Variants in MOK observed in about 807,000 individuals in gnomAD.
MOK encodes MAPK/MAK/MRK overlapping kinase.
A neutral mutation model predicts 54.2 loss-of-function variants in MOK; 59 were observed. That is an observed-to-expected ratio of 1.09 (90% CI 0.88 to 1.35). MOK has a LOEUF of 1.35. Among genes scored for constraint, MOK ranks in the 40% most tolerant of loss-of-function variants. The pLI, the probability that MOK is intolerant of heterozygous loss-of-function variation, is 0.00. For missense variants in MOK, 517 were observed against 526.2 expected, an observed-to-expected ratio of 0.98 and a Z score of 0.17; for synonymous variants, 210 against 202.7, an observed-to-expected ratio of 1.04 and a Z score of -0.31.
downstream of MOK, among the ~76,000 whole-genome samples, chr14:102,227,021 G>C (rs1234445893): frequency 1.3e-5 from 2 of 152,160 alleles, no homozygotes; most frequent in Non-Finnish European, 2.9e-5. Flanking sequence ...TTTAGGGACT[G>C]TTTCTTGCCT....
downstream of MOK, among the ~76,000 whole-genome samples, chr14:102,219,910 G>T (rs1567104516): frequency 6.6e-6 from 1 of 152,378 alleles, no homozygotes; most frequent in East Asian, 1.9e-4. Context: ...GCCCAGTGGA[G>T]AGTGGGACAG....
At chr14:102,283,026 C>G (rs1783051754) in intron 2 of MOK, 1 of 143,350 alleles carries the variant, frequency 7.0e-6, no homozygotes, top group South Asian at 2.2e-4. Context: ...TGCACTCCAG[C>G]CTGGGAGACA....
chr14:102,277,694 G>C (rs1399266249), intron 2 of MOK, among the ~76,000 whole-genome samples: 2 of 152,106 alleles, frequency 1.3e-5, no homozygotes, highest in Non-Finnish European at 2.9e-5. Context: ...AGTTAAAGGA[G>C]GTGGACACAA....
chr14:102,285,422 T>A (rs2069935624), intron 1 of MOK, among the ~76,000 whole-genome samples: 1 of 152,206 alleles, frequency 6.6e-6, no homozygotes, highest in Non-Finnish European at 1.5e-5. Context: ...TCTTCAGTAT[T>A]CCTTTCCACA....
intron 1 of MOK, among the ~76,000 whole-genome samples, chr14:102,285,082 C>CAAA (rs34015643): frequency 7.6e-5 from 5 of 65,960 alleles, no homozygotes; most frequent in Admixed American, 1.7e-4. Context: ...GATGTCATCT[C>CAAA]AAAAAAAAAA....
rs963977071 is a variant in MOK at position 102,302,856 on chromosome 14, G to C, written c.7+2106C>G. 5.9e-5 allele frequency among the ~76,000 whole-genome samples: 9 copies of C among 151,612 alleles called. No individual in the cohort carries two copies. The East Asian group carries it at 1.5e-3, about 26-fold the overall frequency. Reference sequence around the variant, plus strand: ...ACTGAAAGTGATGCCTCTAGGTAGTGGGGTATGAAGAGTCTAAGAGGAAGG... The same window carrying C: ...ACTGAAAGTGATGCCTCTAGGTAGTCGGGTATGAAGAGTCTAAGAGGAAGG... On this transcript the variant is annotated intron_variant, in intron 1 of 11. Coordinates refer to ENST00000361847, the MANE Select transcript of MOK (RefSeq NM_014226.3).
chr14:102,281,725 G>A (rs1013523978), intron 2 of MOK, among the ~76,000 whole-genome samples: 3 of 152,032 alleles, frequency 2.0e-5, no homozygotes, highest in African/African-American at 7.2e-5. Flanking sequence ...AATTTCAGGT[G>A]TGAGCCACAG....
rs770210905 is a variant in MOK, at chr14:102,250,926, G to C, written c.476C>G (p.Thr159Arg). The change falls in exon 7 of 12, where the codon ACG (threonine) becomes AGG (arginine). Residue 159 changes from threonine (T) to arginine (R), a missense_variant. Thr to Arg is a moderately conservative substitution (Grantham distance 71). Transcript: ENST00000361847. ...GTACCAGCGGGTGGAGATGTATTCC[G>C]TGTACGGCTGCTTGGAATAGACACT... ...CRSVYSKQPY[T>R]EYISTRWYRA... is the part of the protein sequence containing the mutation. 5 of 1,613,990 alleles carry C rather than the reference G, an allele frequency of 3.1e-6. No individual in the cohort carries two copies. The highest frequency in any genetic ancestry group is 4.2e-6 in the Non-Finnish European group (5 of 1,180,040).
chr14:102,233,783 C>T lies in MOK; in HGVS notation c.597G>A (p.Gln199=), dbSNP rs552431317. Residue 199 remains glutamine (Q), a synonymous_variant, in exon 8 of 12, where the codon CAG becomes CAA. Transcript: ENST00000361847. The part of the protein sequence containing the change: ...GCVFYEIASL[Q]PLFPGVNELD... ...GTTCATTTACTCCAGGAAAGAGGGG[C>T]TGCAGACTGGAAGGGCAGAAGGGGC... is the stretch of plus-strand genomic sequence containing the variant. 1.2e-6 allele frequency: 2 copies of T among 1,613,452 alleles called. No homozygotes were observed. The highest frequency in any genetic ancestry group is 2.7e-5 in the African/African-American group (2 of 75,022).
chr14:102,218,423 A>G, the MOK span, among the ~76,000 whole-genome samples: 2 of 152,302 alleles, frequency 1.3e-5, no homozygotes, highest in Middle Eastern at 6.8e-3. Flanking sequence ...GCTTCAGGAC[A>G]TGTCCTTTCT....
At chr14:102,257,348 G>A (rs1228902210) in intron 4 of MOK, among the ~76,000 whole-genome samples, 2 of 152,154 alleles carry the variant, frequency 1.3e-5, no homozygotes, top group East Asian at 1.9e-4. Context: ...TCTGCAGAGC[G>A]TTGTCAGCGG....
chr14:102,282,804 C>T (rs1315297172), intron 2 of MOK, among the ~76,000 whole-genome samples: 1 of 151,926 alleles, frequency 6.6e-6, no homozygotes, highest in Non-Finnish European at 1.5e-5. Context: ...GTAATCCCAG[C>T]ACTTTGGAAG....
intron 2 of MOK, among the ~76,000 whole-genome samples, chr14:102,267,955 GA>G (rs879334128): frequency 7.2e-4 from 98 of 135,616 alleles, no homozygotes; most frequent in Admixed American, 1.0e-3. Flanking sequence ...GCACAGAACA[GA>G]AAAAAAAAAA....
In MOK at chr14:102,231,649, C is replaced by G. The variant is rs961756784; in HGVS notation, c.981+58G>C. The G allele has an allele frequency of 2.0e-6, 3 of 1,512,712 alleles. No homozygotes were observed. The highest frequency in any genetic ancestry group is 2.7e-6 in the Non-Finnish European group (3 of 1,093,716). 93.7% of individuals were successfully genotyped at this position (1,512,712 alleles called of 1,614,324 possible). Reference sequence around the variant, plus strand: ...CCTCCTGAGAGAGACACAGGCCACCCGAGGGCATCCAGTCCCGGCTGAGCT... The same window carrying G: ...CCTCCTGAGAGAGACACAGGCCACCGGAGGGCATCCAGTCCCGGCTGAGCT... On this transcript the variant is annotated intron_variant, in intron 10 of 11. Transcript: ENST00000361847. This position sits in a 1 kb window ranked among gnomAD's most constrained non-coding sequence, Gnocchi z 4.4.
Position 102,229,296 on chromosome 14 carries a change from C to G in MOK, c.1253G>C (p.Gly418Ala). 1 of 1,602,750 alleles carries G rather than the reference C, an allele frequency of 6.2e-7. No homozygotes were observed. The highest frequency in any genetic ancestry group is 1.3e-5 in the African/African-American group (1 of 74,866). ...CRLPTIVRKG[G>A]R Reference sequence around the variant, plus strand: ...GACGACGGTGCTGCTCAGTTATCTTCCGCCTTTCCGCACTATGGTGGGCAG... The same window carrying G: ...GACGACGGTGCTGCTCAGTTATCTTGCGCCTTTCCGCACTATGGTGGGCAG... The change falls in exon 12 of 12, where the codon GGA becomes GCA. Residue 418 changes from glycine to alanine, a missense_variant. By Grantham distance (60) the Gly-to-Ala change is moderately conservative (BLOSUM62 0). Transcript: ENST00000361847.
chr14:102,276,791 C>CA (rs34807608), intron 2 of MOK, among the ~76,000 whole-genome samples: 153 of 100,816 alleles, frequency 1.5e-3, no homozygotes, highest in East Asian at 9.0e-3. Flanking sequence ...AACTCCGTCT[C>CA]AAAAAAAAAA....
intron 1 of MOK, among the ~76,000 whole-genome samples, chr14:102,301,074 G>C (rs2072140134): frequency 6.6e-6 from 1 of 152,082 alleles, no homozygotes; most frequent in Non-Finnish European, 1.5e-5. Context: ...ATTCCAGCCT[G>C]GCCAACAGAG....
At chr14:102,272,228 C>T (rs1275211188) in intron 2 of MOK, among the ~76,000 whole-genome samples, 2 of 152,220 alleles carry the variant, frequency 1.3e-5, no homozygotes, top group Admixed American at 6.5e-5. Flanking sequence ...GTAGCTCACG[C>T]CTGTAATCCT....
At chr14:102,222,831 G>A (rs752072453), downstream of MOK, 9 of 1,614,072 alleles carry the variant, frequency 5.6e-6, no homozygotes, top group African/African-American at 1.3e-5. The surrounding 1 kb of genome is among the most constrained non-coding windows in gnomAD (Gnocchi z 4.4). Flanking sequence ...TGTTTGCAGG[G>A]CTCATTGTCA....
Sources: gnomAD v4.1 joint callset for allele counts (sites outside exome capture counted in the v4.1 genomes callset) on GRCh38, gnomAD v4.1.1 for gene constraint, Gnocchi (gnomAD v3.1) non-coding constraint, MANE v1.5 for transcripts, NCBI Gene and HGNC (gene_info 2026-07-23, HGNC 2026-07-21) for gene names.